Variants in SPPL3 observed in about 807,000 individuals in gnomAD.
SPPL3 encodes signal peptide peptidase like 3, also known as signal peptide peptidase-like 3.
Under a neutral mutation model 42.4 loss-of-function variants are expected in SPPL3, and 5 were observed. The ratio of observed to expected loss-of-function variants is 0.12; its 90% confidence interval spans 0.06 to 0.25. The LOEUF is 0.25. SPPL3 is among the 10% of genes least tolerant of loss of function. SPPL3 has a pLI of 1.00. For missense variants in SPPL3, 235 were observed against 489.0 expected (o/e 0.48, Z 4.90); for synonymous variants, 195 against 181.8 (o/e 1.07, Z -0.58).
chr12:120,775,378 C>T (rs1869277615), intron 6 of SPPL3, among the ~76,000 whole-genome samples: 1 of 152,194 alleles, frequency 6.6e-6, no homozygotes, highest in Non-Finnish European at 1.5e-5. Flanking sequence ...TCTCCAACTC[C>T]TGACCTCAAC....
At chr12:120,903,737 C>CA in intron 1 of SPPL3, 108 bp downstream of exon 1, 1 of 655,990 alleles carries the variant, frequency 1.5e-6, no homozygotes. Context: ...CCCGCGCCCC[C>CA]CCCCCACGAC....
At chr12:120,854,453 G>C (rs757029608) in intron 1 of SPPL3, among the ~76,000 whole-genome samples, 2 of 152,122 alleles carry the variant, frequency 1.3e-5, no homozygotes, top group Non-Finnish European at 2.9e-5. Context: ...AACAGCACAG[G>C]TCTTTTTTCT....
chr12:120,901,748 A>G (rs1873991908), intron 1 of SPPL3: 3 of 367,908 alleles, frequency 8.2e-6, no homozygotes, highest in Non-Finnish European at 1.1e-5. Context: ...TTTGCCTGTA[A>G]AGCAAACAGA....
intron 1 of SPPL3, among the ~76,000 whole-genome samples, chr12:120,871,749 G>A (rs1013532169): frequency 6.6e-6 from 1 of 151,886 alleles, no homozygotes; most frequent in African/African-American, 2.4e-5. Flanking sequence ...ATGAAACTCC[G>A]TCTCAGGGAG....
chr12:120,795,038 T>A (rs1870051951), intron 2 of SPPL3, among the ~76,000 whole-genome samples: 1 of 152,246 alleles, frequency 6.6e-6, no homozygotes, highest in Non-Finnish European at 1.5e-5. Flanking sequence ...ACCTTTGTGC[T>A]ACTGTGGCCA....
intron 1 of SPPL3, among the ~76,000 whole-genome samples, chr12:120,860,361 A>G (rs12580949): frequency 0.4 from 60,143 of 152,126 alleles, 14,021 homozygotes; most frequent in Middle Eastern, 0.56. Flanking sequence ...AAATTTATGT[A>G]TAATATACTC....
chr12:120,893,035 C>G (rs923302252), intron 1 of SPPL3, among the ~76,000 whole-genome samples: 1 of 150,082 alleles, frequency 6.7e-6, no homozygotes, highest in Non-Finnish European at 1.5e-5. Context: ...ATATACAAAC[C>G]AAGAGAGACA....
chr12:120,788,646 A>G (rs1319965234), intron 3 of SPPL3, among the ~76,000 whole-genome samples: 2 of 152,204 alleles, frequency 1.3e-5, no homozygotes, highest in Non-Finnish European at 2.9e-5. Flanking sequence ...GGCTACACCT[A>G]CAACTTCTCC....
intron 6 of SPPL3, among the ~76,000 whole-genome samples, chr12:120,776,351 C>A (rs546097983): frequency 3.9e-5 from 6 of 152,206 alleles, no homozygotes; most frequent in Admixed American, 1.3e-4. Flanking sequence ...TTCTTTATGG[C>A]CAATTTTCTG....
At chr12:120,895,264 C>T (rs936936416) in intron 1 of SPPL3, among the ~76,000 whole-genome samples, 9 of 151,808 alleles carry the variant, frequency 5.9e-5, no homozygotes, top group African/African-American at 2.2e-4. Flanking sequence ...TCCGTCTCTA[C>T]AAAAAATACA....
intron 1 of SPPL3, among the ~76,000 whole-genome samples, chr12:120,833,766 A>AGTGTGTGTGTGTGTGT (rs71076664): frequency 1.4e-5 from 2 of 146,636 alleles, no homozygotes; most frequent in African/African-American, 5.1e-5. Flanking sequence ...TGAGTTTTAA[A>AGTGTGTGTGTGTGTGT]GTGTGTGTGT....
In SPPL3 at chr12:120,784,612, C is replaced by G. The variant is rs548537677; in HGVS notation, c.191-19G>C. On this transcript the variant is annotated intron_variant, in intron 3 of 10. Transcript: ENST00000353487. ...TGGATGCCTGAAAGAGAAAAACAGA[C>G]AGATTAATAACTTATTATGCACCAG... The G allele has an allele frequency of 1.3e-6, 2 of 1,588,056 alleles. No homozygotes were observed. The highest frequency in any genetic ancestry group is 2.7e-5 in the African/African-American group (2 of 73,328).
At chr12:120,852,096 T>C (rs557580637) in intron 1 of SPPL3, among the ~76,000 whole-genome samples, 1 of 10,414 alleles carries the variant, frequency 9.6e-5, no homozygotes, top group Admixed American at 2.6e-3. Flanking sequence ...AAATACTCTG[T>C]GATACCCACG....
chr12:120,804,512 A>G (rs943445925), intron 2 of SPPL3, among the ~76,000 whole-genome samples: 2 of 152,146 alleles, frequency 1.3e-5, no homozygotes. Flanking sequence ...AGGCATTAAG[A>G]AAATGCAAAC....
At chr12:120,884,328 T>C (rs1412679604) in intron 1 of SPPL3, among the ~76,000 whole-genome samples, 1 of 152,072 alleles carries the variant, frequency 6.6e-6, no homozygotes, top group African/African-American at 2.4e-5. Flanking sequence ...ACAAATCATA[T>C]ATTCTTCTGT....
intron 1 of SPPL3, among the ~76,000 whole-genome samples, chr12:120,864,688 T>A (rs892253811): frequency 1.3e-5 from 2 of 152,158 alleles, no homozygotes; most frequent in Non-Finnish European, 2.9e-5. Context: ...AAAGTAAAAA[T>A]GTCCATGAAA....
At chr12:120,864,212 C>T (rs1369832163) in intron 1 of SPPL3, among the ~76,000 whole-genome samples, 1 of 152,128 alleles carries the variant, frequency 6.6e-6, no homozygotes, top group African/African-American at 2.4e-5. Context: ...TCTATTACCA[C>T]TGATCTCATC....
At chr12:120,849,701 C>T (rs558514499) in intron 1 of SPPL3, among the ~76,000 whole-genome samples, 37 of 152,306 alleles carry the variant, frequency 2.4e-4, no homozygotes, top group African/African-American at 8.7e-4. Context: ...GTGCACAATA[C>T]ATGTAGTCTT....
rs574445425 is a variant in SPPL3, at chr12:120,890,447, G to T, written c.23+13398C>A. ...TACTAAAAATACAAAAAATTAGCTG[G>T]GCGTGGTGGCAGGCGCCTATAGTCC... is the stretch of plus-strand genomic sequence containing the variant. On this transcript the variant is annotated intron_variant, in intron 1 of 10. Transcript: ENST00000353487. 2.0e-5 allele frequency among the ~76,000 whole-genome samples: 3 copies of T among 151,724 alleles called. No individual in the cohort carries two copies. The East Asian group carries it at 5.8e-4, about 30-fold the overall frequency.
Sources: gnomAD v4.1 joint callset for allele counts (sites outside exome capture counted in the v4.1 genomes callset) on GRCh38, gnomAD v4.1.1 for gene constraint, MANE v1.5 for transcripts, NCBI Gene and HGNC (gene_info 2026-07-23, HGNC 2026-07-21) for gene names.